Variants in ERICH6B observed in about 807,000 individuals in gnomAD.
ERICH6B encodes glutamate-rich protein 6B.
Under a neutral mutation model 80.0 loss-of-function variants are expected in ERICH6B, and 69 were observed. That is an observed-to-expected ratio of 0.86 (90% CI 0.71 to 1.05). ERICH6B has a LOEUF of 1.05. Ranked by LOEUF, ERICH6B falls within the 50% of genes least tolerant of loss-of-function variation. The probability of loss-of-function intolerance (pLI) is 0.00; values close to 1 mark genes in which losing one functional copy is unlikely to be tolerated. For missense variants in ERICH6B, 754 were observed against 796.1 expected (o/e 0.95, Z 0.64); for synonymous variants, 283 against 291.9 (o/e 0.97, Z 0.31).
intron 5 of ERICH6B, among the ~76,000 whole-genome samples, chr13:45,584,424 G>T (rs1014532965): frequency 6.6e-6 from 1 of 152,186 alleles, no homozygotes; most frequent in African/African-American, 2.4e-5. Flanking sequence ...GTCGAGAAAG[G>T]CTGAGCCATG....
chr13:45,561,566 G>A, intron 10 of ERICH6B, 40 bp from the exon 11 acceptor site: 1 of 1,542,690 alleles, frequency 6.5e-7, no homozygotes, highest in East Asian at 2.5e-5. Context: ...TAAGATTTTG[G>A]TGGGAAAGAG....
At chr13:45,565,315 C>T (rs1422059024) in intron 9 of ERICH6B, among the ~76,000 whole-genome samples, 4 of 152,178 alleles carry the variant, frequency 2.6e-5, no homozygotes, top group African/African-American at 4.8e-5. Flanking sequence ...CCTTGTTTCA[C>T]ACAGCCTCTC....
chr13:45,555,198 A>G (rs998692494), intron 11 of ERICH6B, among the ~76,000 whole-genome samples: 1 of 152,164 alleles, frequency 6.6e-6, no homozygotes, highest in Non-Finnish European at 1.5e-5. Context: ...TAAGCCAAGT[A>G]AGGTTTCTTT....
At chr13:45,606,528 TATATATATATATA>T (rs1566307771) in intron 2 of ERICH6B, among the ~76,000 whole-genome samples, 7 of 35,462 alleles carry the variant, frequency 2.0e-4, no homozygotes, top group East Asian at 1.0e-3. Flanking sequence ...TATATATATA[TATATATATATATA>T]TATATATTTT....
At position 45,597,153 on chromosome 13, in the gene ERICH6B, G is replaced by A. The variant is rs1223172682; in HGVS notation, c.-58-90C>T. The A allele has an allele frequency of 7.5e-6, 7 of 933,654 alleles. No homozygotes were observed. The Admixed American group carries it at 2.0e-4, about 27-fold the overall frequency. The allele number at this position is 933,654 out of a possible 1,614,324, so 57.8% of individuals were successfully genotyped here. A position where few individuals can be genotyped will look rare whatever the true frequency, so the allele number is the denominator to read the frequency against. ...CATTTTTGTTCACTTATTTCATTCA[G>A]TAGTCTTTGGAGGGCTCTTTAAGTA... On this transcript the variant is annotated intron_variant, in intron 2 of 14. Coordinates refer to ENST00000298738, the MANE Select transcript of ERICH6B (RefSeq NM_182542.3).
chr13:45,550,435 C>T, intron 11 of ERICH6B, 119 bp from the exon 12 acceptor site: 1 of 749,772 alleles, frequency 1.3e-6, no homozygotes, highest in Non-Finnish European at 2.2e-6. Context: ...GCTACCTCAT[C>T]AACTTGCTGG....
At chr13:45,573,946 T>C (rs1465723444) in intron 8 of ERICH6B, among the ~76,000 whole-genome samples, 3 of 152,224 alleles carry the variant, frequency 2.0e-5, no homozygotes, top group Admixed American at 1.3e-4. Flanking sequence ...TCATTTTTTT[T>C]CCTCCCTTCA....
At chr13:45,556,870 G>T (rs1204757840) in intron 11 of ERICH6B, among the ~76,000 whole-genome samples, 1 of 151,974 alleles carries the variant, frequency 6.6e-6, no homozygotes, top group African/African-American at 2.4e-5. Flanking sequence ...ACATTTTTGC[G>T]ATTGTGAATT....
At position 45,568,458 on chromosome 13, in the gene ERICH6B, A is replaced by G. The variant is rs997847800; in HGVS notation, c.1051-7T>C. Reference sequence around the variant, plus strand: ...GATAGGAGCTGTTCAAAAACTACAAAAGGATCAAAGAATGAAATATTCAGA... The same window carrying G: ...GATAGGAGCTGTTCAAAAACTACAAGAGGATCAAAGAATGAAATATTCAGA... On this transcript the variant is annotated splice_region_variant and splice_polypyrimidine_tract_variant and intron_variant, in intron 8 of 14. Coordinates refer to ENST00000298738, the MANE Select transcript of ERICH6B (RefSeq NM_182542.3). 1.2e-5 allele frequency: 18 copies of G among 1,488,210 alleles called. No individual in the cohort carries two copies. Among genetic ancestry groups the G allele is most frequent in the Non-Finnish European group, 1.6e-5 (18 of 1,122,208 alleles). The allele number at this position is 1,488,210 out of a possible 1,614,324, so 92.2% of individuals were successfully genotyped here.
intron 3 of ERICH6B, among the ~76,000 whole-genome samples, chr13:45,592,244 AC>A (rs1429928251): frequency 6.6e-6 from 1 of 152,256 alleles, no homozygotes; most frequent in African/African-American, 2.4e-5. Flanking sequence ...GGGACAAGAC[AC>A]GTGCAGAAAA....
At chr13:45,583,699 T>C (rs1468242660) in intron 5 of ERICH6B, among the ~76,000 whole-genome samples, 1 of 152,216 alleles carries the variant, frequency 6.6e-6, no homozygotes, top group East Asian at 1.9e-4. Context: ...ATAAGTCTCA[T>C]GGACCTGATG....
At chr13:45,593,157 C>T (rs1288551220) in intron 3 of ERICH6B, among the ~76,000 whole-genome samples, 1 of 152,134 alleles carries the variant, frequency 6.6e-6, no homozygotes, top group Admixed American at 6.5e-5. Context: ...TCCCCATAAA[C>T]TTTGGGGGGA....
chr13:45,579,339 C>T (rs1236936223), intron 7 of ERICH6B, among the ~76,000 whole-genome samples: 1 of 152,082 alleles, frequency 6.6e-6, no homozygotes, highest in Admixed American at 6.5e-5. Flanking sequence ...TCCCACTACC[C>T]CTATGTTCAA....
intron 11 of ERICH6B, among the ~76,000 whole-genome samples, chr13:45,559,874 T>G (rs919115211): frequency 6.6e-6 from 1 of 152,246 alleles, no homozygotes; most frequent in African/African-American, 2.4e-5. Context: ...TTCTGCAGTG[T>G]TGGGTAGAAT....
At chr13:45,566,468 G>T (rs1874917224) in intron 9 of ERICH6B, among the ~76,000 whole-genome samples, 1 of 152,224 alleles carries the variant, frequency 6.6e-6, no homozygotes, top group Non-Finnish European at 1.5e-5. Context: ...CCAGGCCCAG[G>T]GTCCCTGTGT....
intron 13 of ERICH6B, among the ~76,000 whole-genome samples, chr13:45,547,146 A>G (rs1007117986): frequency 6.6e-6 from 1 of 152,218 alleles, no homozygotes; most frequent in Non-Finnish European, 1.5e-5. Context: ...CTCAACTGTA[A>G]AAAGCAGACA....
chr13:45,561,504 G>A lies in ERICH6B; in HGVS notation c.1272C>T (p.Thr424=). 6.4e-7 allele frequency: 1 copy of A among 1,551,548 alleles called. No individual in the cohort carries two copies. The highest frequency in any genetic ancestry group is 1.2e-5 in the South Asian group (1 of 84,030). ...TGCTCATTAAATGAAATGTGAAACTGGTCATCTCTGTTAACTTTTGAGCTG... is the reference window on the plus strand; with the variant it reads ...TGCTCATTAAATGAAATGTGAAACTAGTCATCTCTGTTAACTTTTGAGCTG... ...RREAQKLTEM[T]SFTFHLMSKP... is the part of the protein sequence containing the mutation. The change falls in exon 11 of 15, where the codon ACC becomes ACT. Residue 424 remains threonine (T), a synonymous_variant. Transcript: ENST00000298738.
At chr13:45,587,627 G>A (rs534456521) in intron 4 of ERICH6B, among the ~76,000 whole-genome samples, 2 of 152,320 alleles carry the variant, frequency 1.3e-5, no homozygotes, top group East Asian at 3.9e-4. Flanking sequence ...TGCTGCAGCA[G>A]TTTAAAATCA....
Position 45,552,994 on chromosome 13 carries a change from C to T in ERICH6B, c.1408-2678G>A, listed in dbSNP as rs1011865901. ...ATATTTCCGTAAGCAATGTTCTGAG[C>T]GGATGGTCTCTTCAGGTTTTAGTTC... is the stretch of plus-strand genomic sequence containing the variant. On this transcript the variant is annotated intron_variant, in intron 11 of 14. Transcript: ENST00000298738. 2.0e-5 allele frequency: 4 copies of T among 196,184 alleles called. No homozygotes were observed. In the East Asian group the frequency reaches 4.9e-4, roughly 24 times the overall value. 12.2% of individuals were successfully genotyped at this position (196,184 alleles called of 1,614,324 possible). A position where few individuals can be genotyped will look rare whatever the true frequency, so the allele number is the denominator to read the frequency against.
Sources: gnomAD v4.1 joint callset for allele counts (sites outside exome capture counted in the v4.1 genomes callset) on GRCh38, gnomAD v4.1.1 for gene constraint, MANE v1.5 for transcripts, NCBI Gene and HGNC (gene_info 2026-07-23, HGNC 2026-07-21) for gene names.